The following TCF4 variants were observed in gnomAD, a reference collection of about 807,000 sequenced individuals.
TCF4 encodes SL3-3 enhancer factor 2.
TCF4 carries 3 observed loss-of-function variants against 82.1 expected under a neutral mutation model. The observed-to-expected ratio is 0.04, with a 90% CI of 0.02 to 0.09. The LOEUF (loss-of-function observed/expected upper bound fraction) is 0.09, where lower values mean the gene tolerates loss of function less well. Among genes scored for constraint, TCF4 ranks in the 10% least tolerant of loss-of-function variants. TCF4 has a pLI of 1.00. For synonymous variants in TCF4, 276 were observed against 309.6 expected (o/e 0.89, Z 1.14); for missense variants, 518 against 852.7 (o/e 0.61, Z 4.89).
chr18:55,522,046 C>A (rs1236392623), intron 3 of TCF4, among the ~76,000 whole-genome samples: 1 of 152,132 alleles, frequency 6.6e-6, no homozygotes. Context: ...GAGGAAGAGA[C>A]ACCAGCAGAC....
chr18:55,484,041 T>C (rs1325727129), intron 3 of TCF4, among the ~76,000 whole-genome samples: 1 of 152,216 alleles, frequency 6.6e-6, no homozygotes, highest in Non-Finnish European at 1.5e-5. Context: ...AGGCAAGTTA[T>C]TGGAAAAGCT....
chr18:55,403,549 T>A, intron 5 of TCF4, 31 bp from the exon 6 acceptor site: 2 of 1,613,748 alleles, frequency 1.2e-6, no homozygotes, highest in Non-Finnish European at 1.7e-6. Context: ...AAAGTGTAAA[T>A]TGTGTTTTTC....
chr18:55,333,875 G>C (rs1266429939), intron 8 of TCF4, among the ~76,000 whole-genome samples: 1 of 152,160 alleles, frequency 6.6e-6, no homozygotes, highest in Non-Finnish European at 1.5e-5. Flanking sequence ...CCAAGGAATG[G>C]TCCCAGAACA....
At chr18:55,587,845 AGGGGAGGGGCGGGGGGGCTGGCGGCGAG>A (rs1454210845) in intron 1 of TCF4, among the ~76,000 whole-genome samples, 165 bp downstream of exon 1, 1 of 12,266 alleles carries the variant, frequency 8.2e-5, no homozygotes, top group African/African-American at 3.0e-4. Context: ...GGGGGCATCA[AGGGGAGGGGCGGGGGGGCTGGCGGCGAG>A]GGGGAGGGAA....
At chr18:55,483,001 G>A (rs1166337943) in intron 3 of TCF4, 2 of 152,056 alleles carry the variant, frequency 1.3e-5, no homozygotes, top group Non-Finnish European at 2.9e-5. Context: ...ATATTTTTAG[G>A]ATTCTCAAGT....
chr18:55,524,951 G>C (rs901460921), intron 3 of TCF4, among the ~76,000 whole-genome samples: 2 of 152,180 alleles, frequency 1.3e-5, no homozygotes, highest in African/African-American at 2.4e-5. Context: ...TGTGTGACAA[G>C]ATCAGTTCAT....
intron 15 of TCF4, among the ~76,000 whole-genome samples, chr18:55,244,819 T>G (rs1021720874): frequency 6.6e-6 from 1 of 152,160 alleles, no homozygotes; most frequent in African/African-American, 2.4e-5. Context: ...TCCAATAACT[T>G]TCACACACTT....
At chr18:55,370,872 T>C (rs1365873974) in intron 6 of TCF4, among the ~76,000 whole-genome samples, 5 of 152,090 alleles carry the variant, frequency 3.3e-5, no homozygotes, top group African/African-American at 4.8e-5. Flanking sequence ...GAGAAGGAAG[T>C]GAAGTAGGTA....
At position 55,226,274 on chromosome 18, in the gene TCF4, T is replaced by G. The variant is rs1330241607; in HGVS notation, c.*1761A>C. On this transcript the variant is annotated 3_prime_UTR_variant, in exon 20 of 20. Transcript: ENST00000354452. ...GGTGGAAAAACTACTTGAACAGGGA[T>G]TTTTTTTTTTCTTAATACATGCCAA... 1.7e-5 allele frequency: 1 copy of G among 58,548 alleles called. No homozygotes were observed. The highest frequency in any genetic ancestry group is 4.0e-5 in the Non-Finnish European group (1 of 24,850). The allele number at this position is 58,548 out of a possible 1,614,324, so 3.6% of individuals were successfully genotyped here. A position where few individuals can be genotyped will look rare whatever the true frequency, so the allele number is the denominator to read the frequency against.
chr18:55,405,185 TATAA>T (rs1243300601), intron 5 of TCF4, among the ~76,000 whole-genome samples: 2 of 152,250 alleles, frequency 1.3e-5, no homozygotes, highest in Non-Finnish European at 1.5e-5. Flanking sequence ...AACTTCTCTC[TATAA>T]ATATTACTAA....
At chr18:55,618,028 T>C (rs996411675) in intron 2 of TCF4, among the ~76,000 whole-genome samples, 3 of 152,148 alleles carry the variant, frequency 2.0e-5, no homozygotes, top group Non-Finnish European at 4.4e-5. Flanking sequence ...TTAGTCCTAA[T>C]CTTAGAGGAA....
intron 3 of TCF4, among the ~76,000 whole-genome samples, chr18:55,503,489 A>G (rs1038027145): frequency 2.6e-5 from 4 of 152,356 alleles, no homozygotes; most frequent in Admixed American, 2.0e-4. Context: ...CTCATAGAAT[A>G]GATGAATAAA....
upstream of TCF4, chr18:55,589,943 C>G (rs1016495272): frequency 1.0e-5 from 6 of 596,194 alleles, no homozygotes; most frequent in East Asian, 7.7e-4. Flanking sequence ...GACCACGCCT[C>G]CTCCGGGAGC....
chr18:55,439,063 G>C (rs1219039558), intron 5 of TCF4, among the ~76,000 whole-genome samples: 1 of 152,152 alleles, frequency 6.6e-6, no homozygotes, highest in African/African-American at 2.4e-5. Context: ...CACCAGGGCG[G>C]GGCAGTGGTT....
chr18:55,366,073 TAATTCTA>T (rs1425253515), intron 6 of TCF4, among the ~76,000 whole-genome samples: 1 of 152,152 alleles, frequency 6.6e-6, no homozygotes, highest in Admixed American at 6.5e-5. Context: ...CTTTATTTTA[TAATTCTA>T]AATCTTCTAT....
intron 3 of TCF4, among the ~76,000 whole-genome samples, chr18:55,501,324 A>C (rs775398133): frequency 1.1e-4 from 16 of 152,136 alleles, no homozygotes; most frequent in Admixed American, 2.0e-4. Flanking sequence ...TGCATTCGGA[A>C]GGGAAAAAAA....
intron 3 of TCF4, among the ~76,000 whole-genome samples, chr18:55,497,999 T>C (rs1020755633): frequency 6.6e-6 from 1 of 152,112 alleles, no homozygotes; most frequent in Admixed American, 6.6e-5. Flanking sequence ...CAAAAAATAA[T>C]AGGACGATTA....
intron 6 of TCF4, among the ~76,000 whole-genome samples, chr18:55,359,018 GTTATA>G (rs771905089): frequency 7.2e-5 from 11 of 152,270 alleles, no homozygotes; most frequent in South Asian, 4.1e-4. Context: ...TACAGAATGT[GTTATA>G]TTATAATGTA....
In TCF4 at chr18:55,633,696, G is replaced by A. The variant is rs1442642411; in HGVS notation, c.195+2007C>T. Among the ~76,000 whole-genome samples, 1 of 151,948 alleles carries A rather than the reference G, an allele frequency of 6.6e-6. No homozygotes were observed. The highest frequency in any genetic ancestry group is 1.5e-5 in the Non-Finnish European group (1 of 68,004). ...ATAGCAAATTTTTTAAGCATTGCAG[G>A]CCATATGGTCTCTGTCACAATAATT... On this transcript the variant is annotated intron_variant, in intron 1 of 20. Coordinates refer to the TCF4 transcript ENST00000398339. The surrounding 1 kb of genome is among the most constrained non-coding windows in gnomAD (Gnocchi z 4.0).
Sources: allele counts gnomAD v4.1 joint callset (sites outside exome capture counted in the v4.1 genomes callset), GRCh38; gene constraint gnomAD v4.1.1; non-coding constraint Gnocchi (gnomAD v3.1); transcripts MANE v1.5; gene names NCBI Gene and HGNC (gene_info 2026-07-23, HGNC 2026-07-21).